The following RBFOX1 variants were observed in gnomAD, a reference collection of about 807,000 sequenced individuals.
RBFOX1 encodes the protein RNA binding fox-1 homolog 1.
RBFOX1 carries 8 observed loss-of-function variants against 57.7 expected under a neutral mutation model. That is an observed-to-expected ratio of 0.14 (90% CI 0.08 to 0.25). The LOEUF (loss-of-function observed/expected upper bound fraction) is 0.25, where lower values mean the gene tolerates loss of function less well. Ranked by LOEUF, RBFOX1 falls within the 10% of genes least tolerant of loss-of-function variation. The pLI is 1.00. For synonymous variants in RBFOX1, 326 were observed against 222.4 expected (o/e 1.47, Z -4.15); for missense variants, 611 against 548.5 (o/e 1.11, Z -1.14).
chr16:7,130,511 A>T (rs1455305574), intron 4 of RBFOX1, among the ~76,000 whole-genome samples: 4 of 152,176 alleles, frequency 2.6e-5, no homozygotes, highest in Non-Finnish European at 4.4e-5. Flanking sequence ...CCTAACACAG[A>T]GCCTGACCCA....
At chr16:5,679,903 C>A (rs2050278533) in intron 3 of RBFOX1, among the ~76,000 whole-genome samples, 1 of 152,080 alleles carries the variant, frequency 6.6e-6, no homozygotes, top group Non-Finnish European at 1.5e-5. Context: ...AGTCTGGTGC[C>A]TAGTGTTTAG....
intron 2 of RBFOX1, among the ~76,000 whole-genome samples, chr16:6,415,831 C>G (rs1388572888): frequency 1.3e-5 from 2 of 152,198 alleles, no homozygotes; most frequent in African/African-American, 4.8e-5. Context: ...TGACAGCTAA[C>G]GTAGGGACTT....
At chr16:6,174,215 T>C (rs2096985480) in intron 1 of RBFOX1, among the ~76,000 whole-genome samples, 2 of 152,072 alleles carry the variant, frequency 1.3e-5, no homozygotes, top group South Asian at 2.1e-4. Context: ...TCAGACTGAG[T>C]GGTGGAGAGG....
chr16:6,792,160 C>T (rs1179673052), intron 3 of RBFOX1, among the ~76,000 whole-genome samples: 1 of 152,156 alleles, frequency 6.6e-6, no homozygotes, highest in South Asian at 2.1e-4. Flanking sequence ...TATGCTTTTT[C>T]TGTATATTTT....
intron 1 of RBFOX1, among the ~76,000 whole-genome samples, chr16:5,367,083 TTGCATGTCAGAAA>T (rs1441478055): frequency 1.3e-5 from 2 of 152,060 alleles, no homozygotes; most frequent in East Asian, 3.9e-4. Context: ...AAAATTTATT[TTGCATGTCAGAAA>T]TGCATTTTAA....
rs1197461775 is a variant in RBFOX1, at chr16:6,676,142, G to GCGCA, written c.-16+21493_-16+21494insGCAC. ...CTGCCTAGGGGACACACACACACGC[G>GCGCA]CACACACACACACACACACACACAC... On this transcript the variant is annotated intron_variant, in intron 3 of 15. Coordinates refer to ENST00000550418, the MANE Select transcript of RBFOX1 (RefSeq NM_018723.4). Among the ~76,000 whole-genome samples the GCGCA allele has an allele frequency of 5.5e-3, 810 of 145,952 alleles. 18 individuals carry two copies. The highest frequency in any genetic ancestry group is 0.029 in the East Asian group (127 of 4,452).
intron 4 of RBFOX1, among the ~76,000 whole-genome samples, chr16:5,964,540 C>T (rs532445698): frequency 6.6e-6 from 1 of 152,000 alleles, no homozygotes; most frequent in African/African-American, 2.4e-5. Context: ...TACTTGTATA[C>T]ATAGATATAT....
At chr16:6,877,870 A>G (rs1484027235) in intron 3 of RBFOX1, among the ~76,000 whole-genome samples, 1 of 152,210 alleles carries the variant, frequency 6.6e-6, no homozygotes, top group African/African-American at 2.4e-5. Flanking sequence ...CAAAGAGAAT[A>G]GGGAAAGGAT....
intron 6 of RBFOX1, among the ~76,000 whole-genome samples, chr16:7,585,852 A>G (rs989116050): frequency 2.6e-5 from 4 of 152,132 alleles, no homozygotes; most frequent in East Asian, 3.9e-4. Context: ...ACTGAAACAC[A>G]TAGTCAGGCA....
At chr16:7,656,048 A>G (rs1227351648) in intron 12 of RBFOX1, among the ~76,000 whole-genome samples, 1 of 152,210 alleles carries the variant, frequency 6.6e-6, no homozygotes. Context: ...TATTCCAGCA[A>G]TATCTGTGAT....
intron 2 of RBFOX1, among the ~76,000 whole-genome samples, chr16:6,457,515 C>T (rs192301932): frequency 4.0e-5 from 6 of 148,738 alleles, no homozygotes; most frequent in Admixed American, 3.5e-4. Flanking sequence ...TACTGACTAC[C>T]GTTCCAGGCA....
chr16:6,944,671 G>T (rs970027423), intron 3 of RBFOX1, among the ~76,000 whole-genome samples: 2 of 152,146 alleles, frequency 1.3e-5, no homozygotes, highest in African/African-American at 4.8e-5. Context: ...GAAAGTGCAG[G>T]AACCTGGGCT....
intron 1 of RBFOX1, among the ~76,000 whole-genome samples, chr16:6,119,392 C>G (rs752187381): frequency 6.6e-6 from 1 of 152,118 alleles, no homozygotes; most frequent in South Asian, 2.1e-4. Flanking sequence ...GTCTTTATAT[C>G]TTATTACTAG....
At chr16:5,930,259 A>T (rs148124555) in intron 4 of RBFOX1, among the ~76,000 whole-genome samples, 2,922 of 52,864 alleles carry the variant, frequency 0.055, 68 homozygotes, top group Middle Eastern at 0.075. Context: ...GGATGTATAG[A>T]TGGGTAGGTG....
chr16:6,653,146 C>G (rs151121026), intron 2 of RBFOX1, among the ~76,000 whole-genome samples: 1 of 152,120 alleles, frequency 6.6e-6, no homozygotes, highest in Non-Finnish European at 1.5e-5. Flanking sequence ...GGCTCATCCC[C>G]CTAACTTCCT....
chr16:7,345,326 C>T (rs909791929), intron 4 of RBFOX1, among the ~76,000 whole-genome samples: 2 of 152,100 alleles, frequency 1.3e-5, no homozygotes, highest in African/African-American at 2.4e-5. Context: ...GGCCTGCTCT[C>T]GGGGAGGTTT....
intron 2 of RBFOX1, among the ~76,000 whole-genome samples, chr16:5,484,269 G>A (rs901948618): frequency 6.6e-6 from 1 of 152,206 alleles, no homozygotes; most frequent in Non-Finnish European, 1.5e-5. Flanking sequence ...GAATCTGGCT[G>A]GACAGAGCCC....
chr16:6,412,885 T>G (rs796273554), intron 2 of RBFOX1, among the ~76,000 whole-genome samples: 24 of 152,296 alleles, frequency 1.6e-4, no homozygotes, highest in African/African-American at 5.8e-4. Context: ...GAGTCTCTCT[T>G]TGGATGGTTT....
chr16:6,360,884 G>T (rs1013916249), intron 2 of RBFOX1, among the ~76,000 whole-genome samples: 1 of 152,076 alleles, frequency 6.6e-6, no homozygotes, highest in South Asian at 2.1e-4. Context: ...GAGACCCTGA[G>T]TTTCTTGACA....
Sources: allele counts gnomAD v4.1 joint callset (sites outside exome capture counted in the v4.1 genomes callset), GRCh38; gene constraint gnomAD v4.1.1; transcripts MANE v1.5; gene names NCBI Gene and HGNC (gene_info 2026-07-23, HGNC 2026-07-21).